Variants in GOLM2 observed in about 807,000 individuals in gnomAD.
The protein encoded by GOLM2 is protein GOLM2.
A neutral mutation model predicts 55.9 loss-of-function variants in GOLM2; 26 were observed. The ratio of observed to expected loss-of-function variants is 0.47; its 90% CI spans 0.34 to 0.65. The LOEUF is 0.65. GOLM2 is among the 30% of genes least tolerant of loss of function. The pLI is 0.01. For synonymous variants in GOLM2, 165 were observed against 194.6 expected (o/e 0.85, Z 1.27); for missense variants, 486 against 531.8 (o/e 0.91, Z 0.85).
At chr15:44,306,828 G>A (rs2078840726) in intron 1 of GOLM2, among the ~76,000 whole-genome samples, 1 of 152,038 alleles carries the variant, frequency 6.6e-6, no homozygotes, top group South Asian at 2.1e-4. Context: ...CCAACCCTTG[G>A]CAACCTCTAT....
At chr15:44,308,987 T>G (rs1325989210) in intron 1 of GOLM2, among the ~76,000 whole-genome samples, 1 of 152,188 alleles carries the variant, frequency 6.6e-6, no homozygotes, top group African/African-American at 2.4e-5. Context: ...GAATAGACAT[T>G]TCTTGAAAGA....
chr15:44,297,340 G>A (rs1174008034), intron 1 of GOLM2, among the ~76,000 whole-genome samples: 1 of 152,048 alleles, frequency 6.6e-6, no homozygotes, highest in African/African-American at 2.4e-5. Flanking sequence ...TTAGAATTCT[G>A]CTGTCTCATC....
At chr15:44,402,798 C>A in intron 8 of GOLM2, 89 bp from the exon 9 acceptor site, 1 of 1,357,958 alleles carries the variant, frequency 7.4e-7, no homozygotes, top group Non-Finnish European at 1.0e-6. Context: ...TGCCAGCTTT[C>A]ACTTGTTTAC....
At chr15:44,378,762 T>A (rs761329862) in intron 6 of GOLM2, among the ~76,000 whole-genome samples, 7 of 151,900 alleles carry the variant, frequency 4.6e-5, no homozygotes, top group Non-Finnish European at 8.8e-5. Flanking sequence ...ATTTATTTAT[T>A]TATTTGAGAT....
At chr15:44,369,833 A>T (rs2079318321) in intron 6 of GOLM2, among the ~76,000 whole-genome samples, 1 of 152,116 alleles carries the variant, frequency 6.6e-6, no homozygotes, top group Non-Finnish European at 1.5e-5. Flanking sequence ...CTTGAGTCCT[A>T]GAAGGATAAA....
intron 3 of GOLM2, 50 bp downstream of exon 3, chr15:44,328,837 G>C (rs746750285): frequency 3.3e-6 from 4 of 1,209,934 alleles, no homozygotes; most frequent in African/African-American, 1.6e-5. Flanking sequence ...TATTTGTCCA[G>C]CTTTTGGACT....
intron 6 of GOLM2, among the ~76,000 whole-genome samples, chr15:44,344,258 CA>C (rs560961568): frequency 0.08 from 6,920 of 86,916 alleles, 243 homozygotes; most frequent in East Asian, 0.27. Flanking sequence ...GACCCTGTCT[CA>C]AAAAAAAAAA....
chr15:44,382,914 C>T (rs1480968193), intron 8 of GOLM2, among the ~76,000 whole-genome samples: 1 of 137,112 alleles, frequency 7.3e-6, no homozygotes, highest in East Asian at 2.1e-4. Context: ...CAGAGCGAGA[C>T]TCTGTCAAAA....
chr15:44,350,126 A>G (rs1478160461), intron 6 of GOLM2, among the ~76,000 whole-genome samples: 3 of 152,162 alleles, frequency 2.0e-5, no homozygotes, highest in Non-Finnish European at 4.4e-5. Context: ...TAGTAGAAGG[A>G]AAAATAAAGA....
At chr15:44,293,098 ATAC>A (rs2078732735) in intron 1 of GOLM2, among the ~76,000 whole-genome samples, 1 of 152,084 alleles carries the variant, frequency 6.6e-6, no homozygotes. Context: ...GTGAGCCACC[ATAC>A]TTGGCCACTT....
At chr15:44,391,598 GA>G (rs975806413) in intron 8 of GOLM2, among the ~76,000 whole-genome samples, 12 of 145,306 alleles carry the variant, frequency 8.3e-5, no homozygotes, top group South Asian at 2.2e-4. Context: ...TAACAAAAAT[GA>G]AAAAAAAAGA....
At chr15:44,400,638 G>A (rs1032272565) in intron 8 of GOLM2, among the ~76,000 whole-genome samples, 7 of 133,962 alleles carry the variant, frequency 5.2e-5, no homozygotes, top group Admixed American at 8.3e-5. Flanking sequence ...GTACAGTGGC[G>A]CAATCTCAGC....
intron 4 of GOLM2, among the ~76,000 whole-genome samples, chr15:44,332,651 A>G (rs1248394124): frequency 1.3e-5 from 2 of 152,150 alleles, no homozygotes; most frequent in African/African-American, 2.4e-5. Context: ...TCAGATTGTA[A>G]AGTGGGCAAC....
At chr15:44,318,526 T>G (rs1008613318) in intron 1 of GOLM2, among the ~76,000 whole-genome samples, 2 of 152,202 alleles carry the variant, frequency 1.3e-5, no homozygotes, top group Admixed American at 6.5e-5. Context: ...CTGATCAATG[T>G]GGTGAAACCC....
intron 6 of GOLM2, among the ~76,000 whole-genome samples, chr15:44,351,576 C>CAAAAAAAAAAAAAAAAAAA (rs1175016633): frequency 2.2e-5 from 1 of 45,902 alleles, no homozygotes. Context: ...GACTCTGTCT[C>CAAAAAAAAAAAAAAAAAAA]AAAAAAAAAA....
intron 8 of GOLM2, among the ~76,000 whole-genome samples, chr15:44,395,124 C>T (rs965232170): frequency 2.0e-5 from 3 of 151,792 alleles, no homozygotes; most frequent in Non-Finnish European, 4.4e-5. Context: ...ATTCTTCTGC[C>T]TCAGCCTCTC....
intron 8 of GOLM2, among the ~76,000 whole-genome samples, chr15:44,401,245 G>A (rs991583332): frequency 6.6e-6 from 1 of 151,976 alleles, no homozygotes; most frequent in East Asian, 1.9e-4. Flanking sequence ...CCAAGTAGAT[G>A]AGACTACAGA....
chr15:44,391,914 A>G lies in GOLM2; in HGVS notation c.1072+10938A>G, dbSNP rs185869113. On this transcript the variant is annotated intron_variant, in intron 8 of 9. Coordinates refer to ENST00000299957, the MANE Select transcript of GOLM2 (RefSeq NM_138423.4). Reference sequence around the variant, plus strand: ...TGCCCAGGCTGGAGTGCAATGGCACAATCTCAGCTCACCGCAACCTCTGCC... The same window carrying G: ...TGCCCAGGCTGGAGTGCAATGGCACGATCTCAGCTCACCGCAACCTCTGCC... Among the ~76,000 whole-genome samples the G allele has an allele frequency of 1.3e-3, 193 of 152,176 alleles. No homozygotes were observed. The Middle Eastern group carries it at 0.031, about 24-fold the overall frequency.
intron 1 of GOLM2, among the ~76,000 whole-genome samples, chr15:44,302,602 TGCCTCA>T (rs1367158833): frequency 6.6e-6 from 1 of 152,072 alleles, no homozygotes; most frequent in African/African-American, 2.4e-5. Flanking sequence ...TCGAGCTTCC[TGCCTCA>T]GCCTCCCAGG....
Sources: gnomAD v4.1 joint callset for allele counts (sites outside exome capture counted in the v4.1 genomes callset) on GRCh38, gnomAD v4.1.1 for gene constraint, MANE v1.5 for transcripts, NCBI Gene and HGNC (gene_info 2026-07-23, HGNC 2026-07-21) for gene names.